The following NPTX1 variants were observed in gnomAD, a reference collection of about 807,000 sequenced individuals.
NPTX1 encodes neuronal pentraxin 1, also known as neuronal pentraxin-1.
Under a neutral mutation model 38.7 loss-of-function variants are expected in NPTX1, and 12 were observed. The observed-to-expected ratio is 0.31, with a 90% CI of 0.20 to 0.50. The LOEUF is 0.50. Ranked by LOEUF, NPTX1 falls within the 20% of genes least tolerant of loss-of-function variation. The probability of loss-of-function intolerance (pLI) is 0.98; values close to 1 mark genes in which losing one functional copy is unlikely to be tolerated. For missense variants in NPTX1, 454 were observed against 592.2 expected, an observed-to-expected ratio of 0.77 and a Z score of 2.42; for synonymous variants, 272 against 264.9, an observed-to-expected ratio of 1.03 and a Z score of -0.26.
chr17:80,476,216 C>T lies in NPTX1; in HGVS notation c.231G>A (p.Glu77=), dbSNP rs2083881548. Reference sequence around the variant, plus strand: ...GCTTGGCGGTCAGCTCGCGGATGGTCTCCTTCTGGCTCAGGATGGTCTCCT... The same window carrying T: ...GCTTGGCGGTCAGCTCGCGGATGGTTTCCTTCTGGCTCAGGATGGTCTCCT... The part of the protein sequence containing the change: ...QQKETILSQK[E]TIRELTAKLG... Residue 77 remains glutamate, a synonymous_variant, in exon 1 of 5, where the codon GAG becomes GAA. Coordinates refer to ENST00000306773, the MANE Select transcript of NPTX1 (RefSeq NM_002522.4). This position sits in a 1 kb window ranked among gnomAD's most constrained non-coding sequence, Gnocchi z 6.3. 1 of 1,573,926 alleles carries T rather than the reference C, an allele frequency of 6.4e-7. No homozygotes were observed. Among genetic ancestry groups the T allele is most frequent in the Non-Finnish European group, 8.6e-7 (1 of 1,166,808 alleles).
rs2083885040 is a variant in NPTX1, at chr17:80,476,580, A to G, written c.-134T>C. On this transcript the variant is annotated 5_prime_UTR_variant, in exon 1 of 5. Transcript: ENST00000306773. The surrounding 1 kb of genome is among the most constrained non-coding windows in gnomAD (Gnocchi z 6.3). ...CGCGCTCTTCGGCCGCGCGGTCCAC[A>G]CCGCCGCGCTATCAGGCCCCCACTG... 3.3e-6 allele frequency: 1 copy of G among 299,820 alleles called. No individual in the cohort carries two copies. The highest frequency in any genetic ancestry group is 4.9e-6 in the Non-Finnish European group (1 of 202,296). The allele number at this position is 299,820 out of a possible 1,614,324, so 18.6% of individuals were successfully genotyped here.
At position 80,469,120 on chromosome 17, in the gene NPTX1, G is replaced by A. The variant is rs1212080916; in HGVS notation, c.*1693C>T. ...GGTTCTTGACACAACGTGGACCTGT[G>A]TTTAAGGGGACAGGTGGCCCTAGAA... On this transcript the variant is annotated 3_prime_UTR_variant, in exon 5 of 5. Coordinates refer to ENST00000306773, the MANE Select transcript of NPTX1 (RefSeq NM_002522.4). The A allele has an allele frequency of 6.6e-6, 1 of 152,522 alleles. No homozygotes were observed. The highest frequency in any genetic ancestry group is 1.5e-5 in the Non-Finnish European group (1 of 68,050). The allele number at this position is 152,522 out of a possible 1,614,324, so 9.4% of individuals were successfully genotyped here.
In NPTX1 at chr17:80,476,153, T is replaced by A. The variant is rs552577121; in HGVS notation, c.294A>T (p.Gly98=). 2 of 1,593,722 alleles carry A rather than the reference T, an allele frequency of 1.3e-6. No individual in the cohort carries two copies. Among genetic ancestry groups the A allele is most frequent in the Non-Finnish European group, 8.5e-7 (1 of 1,175,214 alleles). ...CGCCGCCCGCCCGGGCCTCGCCGGC[T>A]CCGGGGTCCAGCGTGCTCTGGCTCT... is the stretch of plus-strand genomic sequence containing the variant. ...RCESQSTLDP[G]AGEARAGGGR... Residue 98 remains glycine (G), a synonymous_variant, in exon 1 of 5, where the codon GGA becomes GGT. Transcript: ENST00000306773. The surrounding 1 kb of genome is among the most constrained non-coding windows in gnomAD (Gnocchi z 6.3).
In NPTX1 at chr17:80,476,156, G is replaced by A. The variant is rs768304447; in HGVS notation, c.291C>T (p.Pro97=). ...CGCCCGCCCGGGCCTCGCCGGCTCC[G>A]GGGTCCAGCGTGCTCTGGCTCTCGC... is the stretch of plus-strand genomic sequence containing the variant. The part of the protein sequence containing the change: ...GRCESQSTLD[P]GAGEARAGGG... The change falls in exon 1 of 5, where the codon CCC becomes CCT. Residue 97 remains proline, a synonymous_variant. Transcript: ENST00000306773. The surrounding 1 kb of genome is among the most constrained non-coding windows in gnomAD (Gnocchi z 6.3). The A allele has an allele frequency of 6.3e-7, 1 of 1,592,262 alleles. No homozygotes were observed. Among genetic ancestry groups the A allele is most frequent in the Non-Finnish European group, 8.5e-7 (1 of 1,174,516 alleles).
rs1192822761 is a variant in NPTX1 at position 80,475,877 on chromosome 17, A to G, written c.444+126T>C. 2 of 875,584 alleles carry G rather than the reference A, an allele frequency of 2.3e-6. No homozygotes were observed. Among genetic ancestry groups the G allele is most frequent in the Non-Finnish European group, 3.2e-6 (2 of 628,152 alleles). 54.2% of individuals were successfully genotyped at this position (875,584 alleles called of 1,614,324 possible). A position where few individuals can be genotyped will look rare whatever the true frequency, so the allele number is the denominator to read the frequency against. On this transcript the variant is annotated intron_variant, in intron 1 of 4. Transcript: ENST00000306773. The surrounding 1 kb of genome is among the most constrained non-coding windows in gnomAD (Gnocchi z 6.5). Reference sequence around the variant, plus strand: ...CGGGGCCTCGCAGGCGCGGGGAGGCACCGGCCGGGCACCCGCGCGGCTGAG... The same window carrying G: ...CGGGGCCTCGCAGGCGCGGGGAGGCGCCGGCCGGGCACCCGCGCGGCTGAG...
rs899703539 is a variant in NPTX1, at chr17:80,475,282, T to G, written c.652+229A>C. 2.6e-5 allele frequency among the ~76,000 whole-genome samples: 4 copies of G among 152,034 alleles called. No homozygotes were observed. The highest frequency in any genetic ancestry group is 5.9e-5 in the Non-Finnish European group (4 of 67,994). ...GGGGAGGGGGCACTATGCAATCCCC[T>G]TTCCCAGAGACAGCCCCAGCCCAAG... On this transcript the variant is annotated intron_variant, in intron 2 of 4. Transcript: ENST00000306773. The surrounding 1 kb of genome is among the most constrained non-coding windows in gnomAD (Gnocchi z 6.5).
rs909796939 is a variant in NPTX1, at chr17:80,467,236, C to G, written c.*3577G>C. On this transcript the variant is annotated 3_prime_UTR_variant, in exon 5 of 5. Transcript: ENST00000306773. ...CCCTTTCAACAAATTGCACTTCAGTCCACTGTGTACAGAAGTAATACATTT... is the reference window on the plus strand; with the variant it reads ...CCCTTTCAACAAATTGCACTTCAGTGCACTGTGTACAGAAGTAATACATTT... 2 of 137,270 alleles carry G rather than the reference C, an allele frequency of 1.5e-5. No homozygotes were observed. Among genetic ancestry groups the G allele is most frequent in the African/African-American group, 5.5e-5 (2 of 36,298 alleles). The allele number at this position is 137,270 out of a possible 1,614,324, so 8.5% of individuals were successfully genotyped here.
At position 80,473,713 on chromosome 17, in the gene NPTX1, G is replaced by A. The variant is rs567065597; in HGVS notation, c.653-269C>T. On this transcript the variant is annotated intron_variant, in intron 2 of 4. Transcript: ENST00000306773. ...GGCATCCTTGGGGAGATGGGGGTGG[G>A]GGGCAGTGCCTGGTGGGCTGCTGCA... The A allele has an allele frequency of 2.1e-4, 106 of 495,638 alleles. 1 individual carries two copies. The South Asian group carries it at 2.2e-3, about 10-fold the overall frequency. The allele number at this position is 495,638 out of a possible 1,614,324, so 30.7% of individuals were successfully genotyped here. A position where few individuals can be genotyped will look rare whatever the true frequency, so the allele number is the denominator to read the frequency against.
rs1208046211 is a variant in NPTX1 at position 80,470,600 on chromosome 17, C to T, written c.*213G>A. ...TGGGGCATGCCTGAGAGAGTCCGGG[C>T]TCCTACAGAGAAGTGGGGCTTCCTC... On this transcript the variant is annotated 3_prime_UTR_variant, in exon 5 of 5. Transcript: ENST00000306773. 1.9e-6 allele frequency: 1 copy of T among 514,374 alleles called. No homozygotes were observed. The highest frequency in any genetic ancestry group is 3.5e-6 in the Non-Finnish European group (1 of 285,312). 31.9% of individuals were successfully genotyped at this position (514,374 alleles called of 1,614,324 possible). A position where few individuals can be genotyped will look rare whatever the true frequency, so the allele number is the denominator to read the frequency against.
At position 80,475,416 on chromosome 17, in the gene NPTX1, G is replaced by C. The variant is rs969410149; in HGVS notation, c.652+95C>G. On this transcript the variant is annotated intron_variant, in intron 2 of 4. Transcript: ENST00000306773. The surrounding 1 kb of genome is among the most constrained non-coding windows in gnomAD (Gnocchi z 6.5). ...GGGGTAGCGGAGCGGCTTGAGGCTTGCACAGTGCAGAGCTGGGCTGTTAGG... is the reference window on the plus strand; with the variant it reads ...GGGGTAGCGGAGCGGCTTGAGGCTTCCACAGTGCAGAGCTGGGCTGTTAGG... 1 of 982,922 alleles carries C rather than the reference G, an allele frequency of 1.0e-6. No individual in the cohort carries two copies. The highest frequency in any genetic ancestry group is 1.6e-5 in the South Asian group (1 of 64,206). 60.9% of individuals were successfully genotyped at this position (982,922 alleles called of 1,614,324 possible). A position where few individuals can be genotyped will look rare whatever the true frequency, so the allele number is the denominator to read the frequency against.
chr17:80,475,683 G>A lies in NPTX1; in HGVS notation c.480C>T (p.Asn160=). Residue 160 remains asparagine (N), a synonymous_variant, in exon 2 of 5, where the codon AAC becomes AAT. Transcript: ENST00000306773. This position sits in a 1 kb window ranked among gnomAD's most constrained non-coding sequence, Gnocchi z 6.5. ...YSRLNSSSQT[N]SLKDLLQSKI... ...TGCTCTGCAGCAGATCCTTGAGGCT[G>A]TTGGTCTGGCTGGAGGAATTGAGGC... is the stretch of plus-strand genomic sequence containing the variant. 6.2e-7 allele frequency: 1 copy of A among 1,612,932 alleles called. No homozygotes were observed. The highest frequency in any genetic ancestry group is 8.5e-7 in the Non-Finnish European group (1 of 1,179,796).
Position 80,466,866 on chromosome 17 carries a change from A to G in NPTX1, c.*3947T>C, listed in dbSNP as rs1184632182. On this transcript the variant is annotated 3_prime_UTR_variant, in exon 5 of 5. Transcript: ENST00000306773. ...TCCACTCTTTACTGTGTAAAAATAAACTCAACAATTCATGTCATTTCAGCA... is the reference window on the plus strand; with the variant it reads ...TCCACTCTTTACTGTGTAAAAATAAGCTCAACAATTCATGTCATTTCAGCA... 1.3e-5 allele frequency among the ~76,000 whole-genome samples: 2 copies of G among 151,050 alleles called. No homozygotes were observed. The highest frequency in any genetic ancestry group is 1.9e-4 in the East Asian group (1 of 5,162).
Position 80,470,560 on chromosome 17 carries a change from C to A in NPTX1, c.*253G>T. 1 of 403,324 alleles carries A rather than the reference C, an allele frequency of 2.5e-6. No homozygotes were observed. 25.0% of individuals were successfully genotyped at this position (403,324 alleles called of 1,614,324 possible). A position where few individuals can be genotyped will look rare whatever the true frequency, so the allele number is the denominator to read the frequency against. ...GCCTTGTTCAAGACGTTGCAGCACC[C>A]ACTTCAGCTGTGAATGGGGCATGCC... is the stretch of plus-strand genomic sequence containing the variant. On this transcript the variant is annotated 3_prime_UTR_variant, in exon 5 of 5. Transcript: ENST00000306773.
In NPTX1 at chr17:80,470,860, C is replaced by T. The variant is rs1405442502; in HGVS notation, c.1252G>A (p.Gly418Arg). 5.6e-6 allele frequency: 9 copies of T among 1,608,504 alleles called. No homozygotes were observed. Among genetic ancestry groups the T allele is most frequent in the East Asian group, 2.2e-5 (1 of 44,710 alleles). ...AWAESHIEIY[G>R]GATKWTFEAC... ...TCGAAGGTCCACTTGGTGGCCCCTCCGTAGATCTCGATGTGGGATTCAGCC... is the reference window on the plus strand; with the variant it reads ...TCGAAGGTCCACTTGGTGGCCCCTCTGTAGATCTCGATGTGGGATTCAGCC... Residue 418 changes from glycine to arginine, a missense_variant, in exon 5 of 5, where the codon GGA (glycine) becomes AGA (arginine). By Grantham distance (125) the Gly-to-Arg change is moderately radical (BLOSUM62 -2). Around this residue, in one of 4 missense-constraint regions of NPTX1, gnomAD observed 50 missense variants for 54.0 expected, o/e 0.93. Transcript: ENST00000306773.
In NPTX1 at chr17:80,475,924, C is replaced by T; in HGVS notation, c.444+79G>A. On this transcript the variant is annotated intron_variant, in intron 1 of 4. Transcript: ENST00000306773. The surrounding 1 kb of genome is among the most constrained non-coding windows in gnomAD (Gnocchi z 6.5). ...TGAGGCGAGGGCGGGGGATGCCTGG[C>T]CGGGTAGGGAACGGGGTGGGGGAGG... is the stretch of plus-strand genomic sequence containing the variant. 6 of 1,247,038 alleles carry T rather than the reference C, an allele frequency of 4.8e-6. No individual in the cohort carries two copies. In the South Asian group the frequency reaches 8.1e-5, roughly 17 times the overall value. 77.2% of individuals were successfully genotyped at this position (1,247,038 alleles called of 1,614,324 possible).
At chr17:80,471,423 T>G (rs1384486275) in intron 4 of NPTX1, among the ~76,000 whole-genome samples, 2 of 152,146 alleles carry the variant, frequency 1.3e-5, no homozygotes, top group Admixed American at 1.3e-4. Flanking sequence ...TTCGTCTTCC[T>G]CCCAGGTGCC....
chr17:80,476,313 G>A lies in NPTX1; in HGVS notation c.134C>T (p.Ser45Phe), dbSNP rs1209400049. The change falls in exon 1 of 5, where the codon TCC (serine) becomes TTC (phenylalanine). Residue 45 changes from serine to phenylalanine, a missense_variant. This residue lies in a region of NPTX1 where 288 missense variants were observed against 318.4 expected (regional missense o/e 0.90). Coordinates refer to ENST00000306773, the MANE Select transcript of NPTX1 (RefSeq NM_002522.4). This position sits in a 1 kb window ranked among gnomAD's most constrained non-coding sequence, Gnocchi z 6.3. ...CTCCTCGGCGCCGCCGGCGGCCACGGACGCGGCGCACATGTCGGCGTCCAC... is the reference window on the plus strand; with the variant it reads ...CTCCTCGGCGCCGCCGGCGGCCACGAACGCGGCGCACATGTCGGCGTCCAC... ...VPVDADMCAA[S>F]VAAGGAEELR... is the part of the protein sequence containing the mutation. 2 of 1,551,708 alleles carry A rather than the reference G, an allele frequency of 1.3e-6. No individual in the cohort carries two copies. The highest frequency in any genetic ancestry group is 2.4e-5 in the East Asian group (1 of 41,582).
chr17:80,475,383 A>G lies in NPTX1; in HGVS notation c.652+128T>C. 3 of 677,710 alleles carry G rather than the reference A, an allele frequency of 4.4e-6. No individual in the cohort carries two copies. The highest frequency in any genetic ancestry group is 7.4e-6 in the Non-Finnish European group (3 of 406,158). The allele number at this position is 677,710 out of a possible 1,614,324, so 42.0% of individuals were successfully genotyped here. ...GGTGCGGGGAATGAGAAAGCGGTGC[A>G]GGGGTTGGGGGTAGCGGAGCGGCTT... On this transcript the variant is annotated intron_variant, in intron 2 of 4. Transcript: ENST00000306773. This position sits in a 1 kb window ranked among gnomAD's most constrained non-coding sequence, Gnocchi z 6.5.
Position 80,473,458 on chromosome 17 carries a change from A to G in NPTX1, c.653-14T>C. The G allele has an allele frequency of 6.2e-7, 1 of 1,613,180 alleles. No homozygotes were observed. The highest frequency in any genetic ancestry group is 8.5e-7 in the Non-Finnish European group (1 of 1,179,602). On this transcript the variant is annotated splice_polypyrimidine_tract_variant and intron_variant, in intron 2 of 4. Transcript: ENST00000306773. The stretch of plus-strand genomic sequence containing the variant: ...TGTCTTTCTGACCTGCGGAAGACAC[A>G]GTCCTGACATCTGCACCTGCGTGAA...
Sources: gnomAD v4.1 joint callset for allele counts (sites outside exome capture counted in the v4.1 genomes callset) on GRCh38, gnomAD v4.1.1 for gene constraint, gnomAD v4.1.1 regional missense constraint, Gnocchi (gnomAD v3.1) non-coding constraint, MANE v1.5 for transcripts, NCBI Gene and HGNC (gene_info 2026-07-23, HGNC 2026-07-21) for gene names.